Variants in KCNIP1 observed in about 807,000 individuals in gnomAD.
KCNIP1 encodes A-type potassium channel modulatory protein KCNIP1.
KCNIP1 carries 18 observed loss-of-function variants against 33.0 expected under a neutral mutation model. That is an observed-to-expected ratio of 0.55 (90% CI 0.38 to 0.81). KCNIP1 has a LOEUF of 0.81. Among genes scored for constraint, KCNIP1 ranks in the 30% least tolerant of loss-of-function variants. The pLI is 0.00. For synonymous variants in KCNIP1, 93 were observed against 98.3 expected, an observed-to-expected ratio of 0.95 and a Z score of 0.32; for missense variants, 238 against 271.6, an observed-to-expected ratio of 0.88 and a Z score of 0.87.
Position 170,671,428 on chromosome 5 carries a change from A to T in KCNIP1, c.62-47330A>T, listed in dbSNP as rs115966554. 4.9e-3 allele frequency among the ~76,000 whole-genome samples: 739 copies of T among 152,200 alleles called. 3 individuals carry two copies. Among genetic ancestry groups the T allele is most frequent in the Non-Finnish European group, 8.3e-3 (564 of 68,004 alleles). ...TCTTGCCCCACCTACCACCTAGTTA[A>T]TGCCTTTTCCTCCTTCAGCTCTTAG... On this transcript the variant is annotated intron_variant, in intron 1 of 7. Coordinates refer to ENST00000328939, the MANE Select transcript of KCNIP1 (RefSeq NM_014592.4).
At chr5:170,708,304 T>A (rs562927174) in intron 1 of KCNIP1, among the ~76,000 whole-genome samples, 1 of 152,336 alleles carries the variant, frequency 6.6e-6, no homozygotes, top group African/African-American at 2.4e-5. Context: ...CATCTTCAAA[T>A]GCCAGCATGC....
chr5:170,614,647 G>C (rs1365288059), intron 1 of KCNIP1, among the ~76,000 whole-genome samples: 3 of 152,168 alleles, frequency 2.0e-5, no homozygotes, highest in Non-Finnish European at 4.4e-5. Context: ...TAAACCTTCA[G>C]ATAACCATTT....
intron 1 of KCNIP1, among the ~76,000 whole-genome samples, chr5:170,653,127 A>C (rs1761117360): frequency 6.6e-6 from 1 of 152,246 alleles, no homozygotes; most frequent in Non-Finnish European, 1.5e-5. Flanking sequence ...CTGGACATGC[A>C]GACAGCGATT....
chr5:170,664,351 A>T (rs964319383), intron 1 of KCNIP1, among the ~76,000 whole-genome samples: 2 of 152,038 alleles, frequency 1.3e-5, no homozygotes, highest in Non-Finnish European at 2.9e-5. Context: ...TCCCCTCTTC[A>T]ATTCTCACTG....
At chr5:170,396,708 A>G (rs1754770426) in intron 1 of KCNIP1, among the ~76,000 whole-genome samples, 1 of 152,228 alleles carries the variant, frequency 6.6e-6, no homozygotes, top group South Asian at 2.1e-4. Flanking sequence ...AGAAAGAACC[A>G]CGAAGGGGGG....
At chr5:170,431,549 A>G (rs1016748102) in intron 1 of KCNIP1, among the ~76,000 whole-genome samples, 2 of 152,220 alleles carry the variant, frequency 1.3e-5, no homozygotes, top group African/African-American at 2.4e-5. Flanking sequence ...CCTGGGTTCA[A>G]TGGAGGAACT....
At position 170,487,283 on chromosome 5, in the gene KCNIP1, C is replaced by T. The variant is rs554733775; in HGVS notation, c.88+133319C>T. ...GTTTACCCATATTATGGAGAGTAATCCACTTTCTTCAAAGACTCCTGCTTT... is the reference window on the plus strand; with the variant it reads ...GTTTACCCATATTATGGAGAGTAATTCACTTTCTTCAAAGACTCCTGCTTT... On this transcript the variant is annotated intron_variant, in intron 1 of 7. Coordinates refer to the KCNIP1 transcript ENST00000377360. Among the ~76,000 whole-genome samples the T allele has an allele frequency of 2.6e-5, 4 of 152,268 alleles. No individual in the cohort carries two copies. In the East Asian group the frequency reaches 7.7e-4, roughly 29 times the overall value.
intron 1 of KCNIP1, among the ~76,000 whole-genome samples, chr5:170,480,964 GAAGA>G (rs1374759534): frequency 6.6e-6 from 1 of 152,080 alleles, no homozygotes; most frequent in Admixed American, 6.6e-5. Flanking sequence ...ATATTTAATA[GAAGA>G]AATAATATCA....
chr5:170,405,823 A>C (rs1034942345), intron 1 of KCNIP1, among the ~76,000 whole-genome samples: 1 of 152,084 alleles, frequency 6.6e-6, no homozygotes, highest in African/African-American at 2.4e-5. Context: ...ACGAGCTCCC[A>C]TCCCAGGCTG....
At position 170,353,965 on chromosome 5, in the gene KCNIP1, G is replaced by C; in HGVS notation, c.88+1G>C. ...CTCATCACTGGGACCCTCAGCAAAG[G>C]TATGGAAACTGGCCTTGACCCTTGC... On this transcript the variant is annotated splice_donor_variant, in intron 1 of 7. Coordinates refer to the KCNIP1 transcript ENST00000377360. LOFTEE classifies it high-confidence loss of function. The C allele has an allele frequency of 1.2e-6, 2 of 1,613,844 alleles. No homozygotes were observed. The highest frequency in any genetic ancestry group is 1.7e-6 in the Non-Finnish European group (2 of 1,179,732).
chr5:170,722,512 T>G, intron 4 of KCNIP1, among the ~76,000 whole-genome samples: 1 of 137,898 alleles, frequency 7.3e-6, no homozygotes, highest in Non-Finnish European at 1.5e-5. Flanking sequence ...GGGGGCACCT[T>G]GCAAAAAAAA....
intron 1 of KCNIP1, among the ~76,000 whole-genome samples, chr5:170,409,600 G>A (rs1755126925): frequency 1.3e-5 from 2 of 152,284 alleles, no homozygotes; most frequent in South Asian, 4.1e-4. Flanking sequence ...GCCATGTAGG[G>A]TTGTGTGGCT....
chr5:170,538,569 C>T (rs1756081580), intron 1 of KCNIP1, among the ~76,000 whole-genome samples: 1 of 151,928 alleles, frequency 6.6e-6, no homozygotes, highest in African/African-American at 2.4e-5. Context: ...CCTCCTTCTT[C>T]CCCACCTCCA....
intron 1 of KCNIP1, among the ~76,000 whole-genome samples, chr5:170,464,441 T>A (rs765886132): frequency 3.9e-5 from 6 of 152,226 alleles, no homozygotes; most frequent in Non-Finnish European, 8.8e-5. Context: ...ACAATCCTGA[T>A]AAAGAACAAA....
chr5:170,449,624 A>C (rs1417420406), intron 1 of KCNIP1, among the ~76,000 whole-genome samples: 1 of 152,222 alleles, frequency 6.6e-6, no homozygotes, highest in Non-Finnish European at 1.5e-5. Flanking sequence ...TACTCCATAC[A>C]GCTATTGTGC....
chr5:170,597,731 C>G (rs1022799274), intron 1 of KCNIP1, among the ~76,000 whole-genome samples: 1 of 139,342 alleles, frequency 7.2e-6, no homozygotes, highest in Non-Finnish European at 1.6e-5. Context: ...TTCGGTTTCC[C>G]AAGCCACCTC....
chr5:170,599,924 G>C (rs1053456322), intron 1 of KCNIP1, among the ~76,000 whole-genome samples: 1 of 152,212 alleles, frequency 6.6e-6, no homozygotes, highest in African/African-American at 2.4e-5. Context: ...TGCCTATTCT[G>C]TTTAGGAGAA....
intron 1 of KCNIP1, among the ~76,000 whole-genome samples, chr5:170,579,132 C>G (rs1327140344): frequency 6.6e-6 from 1 of 152,212 alleles, no homozygotes; most frequent in East Asian, 1.9e-4. Flanking sequence ...AAATTTTTCT[C>G]TTTCCATCCA....
intron 1 of KCNIP1, among the ~76,000 whole-genome samples, chr5:170,636,806 G>A (rs902755040): frequency 2.0e-5 from 3 of 152,132 alleles, no homozygotes; most frequent in Admixed American, 6.5e-5. Context: ...CATACGAAGT[G>A]CTCTACCCAC....
Sources: gnomAD v4.1 joint callset for allele counts (sites outside exome capture counted in the v4.1 genomes callset) on GRCh38, gnomAD v4.1.1 for gene constraint, MANE v1.5 for transcripts, NCBI Gene and HGNC (gene_info 2026-07-23, HGNC 2026-07-21) for gene names.